MYO10: variants seen among roughly 807,000 people sequenced by gnomAD.
The protein encoded by MYO10 is myosin X.
Under a neutral mutation model 257.3 loss-of-function variants are expected in MYO10, and 133 were observed. The ratio of observed to expected loss-of-function variants is 0.52; its 90% confidence interval spans 0.45 to 0.60. The LOEUF (loss-of-function observed/expected upper bound fraction) is 0.60. Ranked by LOEUF, MYO10 falls within the 20% of genes least tolerant of loss-of-function variation. The pLI is 0.00. For synonymous variants in MYO10, 1,104 were observed against 1,028.6 expected, an observed-to-expected ratio of 1.07 and a Z score of -1.40; for missense variants, 2,399 against 2,635.7, an observed-to-expected ratio of 0.91 and a Z score of 1.97.
intron 33 of MYO10, 40 bp from the exon 34 acceptor site, chr5:16,676,194 A>G (rs370169760): frequency 2.3e-5 from 37 of 1,602,082 alleles, no homozygotes; most frequent in Non-Finnish European, 3.1e-5. Context: ...AGAAACCTGT[A>G]TTTTCCTACA....
intron 1 of MYO10, among the ~76,000 whole-genome samples, chr5:16,882,363 A>G (rs548071807): frequency 6.6e-6 from 1 of 152,260 alleles, no homozygotes; most frequent in East Asian, 1.9e-4. Context: ...CAATTTCTTA[A>G]AAAGCTAAAC....
chr5:16,898,597 C>T (rs566282115), intron 1 of MYO10, among the ~76,000 whole-genome samples: 68 of 151,816 alleles, frequency 4.5e-4, no homozygotes, highest in Middle Eastern at 6.8e-3. Context: ...TTAGTAGAAA[C>T]GGGGTTTCAC....
Position 16,764,326 on chromosome 5 carries a change from ATCT to A in MYO10, c.1247_1249del (p.Lys416del). 6.2e-7 allele frequency: 1 copy of A among 1,613,844 alleles called. No individual in the cohort carries two copies. The highest frequency in any genetic ancestry group is 8.5e-7 in the Non-Finnish European group (1 of 1,179,868). ...CTCATTGCCTTTGATCCTGCTGTTG[ATCT>A]TCTTGATTACCCACTCAAAGCAGCA... On this transcript the variant is annotated inframe_deletion, in exon 12 of 41. Transcript: ENST00000513610.
chr5:16,783,541 C>T (rs1741487762), intron 4 of MYO10, 72 bp from the exon 5 acceptor site: 2 of 1,453,492 alleles, frequency 1.4e-6, no homozygotes, highest in Non-Finnish European at 1.9e-6. Context: ...TGGTCAATGG[C>T]ACTATAATTA....
chr5:16,822,774 G>A lies in MYO10; in HGVS notation c.121-4607C>T, dbSNP rs185021672. Among the ~76,000 whole-genome samples the A allele has an allele frequency of 7.8e-3, 1,174 of 150,066 alleles. 10 individuals carry two copies. Among genetic ancestry groups the A allele is most frequent in the African/African-American group, 0.027 (1,099 of 40,858 alleles). The stretch of plus-strand genomic sequence containing the variant: ...ACAATCTCGGCTCACCGCAAGCTCC[G>A]CCTCCCAGGTTCAGGCCATTCTCCT... On this transcript the variant is annotated intron_variant, in intron 2 of 40. Transcript: ENST00000513610.
chr5:16,842,486 T>C (rs1743512088), intron 2 of MYO10, among the ~76,000 whole-genome samples: 1 of 152,154 alleles, frequency 6.6e-6, no homozygotes, highest in East Asian at 1.9e-4. Flanking sequence ...GGCAGCCTCA[T>C]CACTACGAGA....
chr5:16,698,845 G>T (rs1345556369), intron 26 of MYO10, among the ~76,000 whole-genome samples: 4 of 151,142 alleles, frequency 2.6e-5, no homozygotes, highest in Non-Finnish European at 5.9e-5. Flanking sequence ...GGATGGTCTC[G>T]ATCTCCTGAC....
At chr5:16,670,489 A>G (rs1579784932) in intron 39 of MYO10, 37 bp downstream of exon 39, 3 of 1,542,806 alleles carry the variant, frequency 1.9e-6, no homozygotes, top group Non-Finnish European at 2.6e-6. Context: ...AGATGCCAGC[A>G]CCCAGCCCAC....
At chr5:16,702,616 T>A (rs1352404897) in intron 23 of MYO10, 28 bp from the exon 24 acceptor site, 2 of 1,558,736 alleles carry the variant, frequency 1.3e-6, no homozygotes, top group Non-Finnish European at 1.7e-6. Context: ...AAAGTGAAAA[T>A]CAACAACAAT....
intron 19 of MYO10, chr5:16,713,616 C>T (rs974126216): frequency 7.0e-6 from 4 of 571,060 alleles, no homozygotes; most frequent in African/African-American, 6.1e-5. Flanking sequence ...TGTGTCCCTG[C>T]CCCTTCCCAG....
chr5:16,744,431 T>C (rs1014545128), intron 19 of MYO10, among the ~76,000 whole-genome samples: 4 of 152,154 alleles, frequency 2.6e-5, no homozygotes, highest in East Asian at 3.9e-4. Context: ...CTTTGATCTA[T>C]TGTATCGGTG....
intron 1 of MYO10, among the ~76,000 whole-genome samples, chr5:16,917,183 A>G (rs1462300189): frequency 6.6e-6 from 1 of 152,250 alleles, no homozygotes; most frequent in East Asian, 1.9e-4. Context: ...CCGGTATTAA[A>G]ATTAATAAAA....
intron 9 of MYO10, among the ~76,000 whole-genome samples, chr5:16,776,133 GT>G (rs1239385563): frequency 6.6e-6 from 1 of 151,752 alleles, no homozygotes; most frequent in East Asian, 1.9e-4. Flanking sequence ...CTGTGCTCAA[GT>G]GATCTGCCCA....
At chr5:16,716,995 AC>A (rs1237981904) in intron 19 of MYO10, among the ~76,000 whole-genome samples, 1 of 152,014 alleles carries the variant, frequency 6.6e-6, no homozygotes, top group East Asian at 1.9e-4. Flanking sequence ...GTGTCACCAC[AC>A]CTGGCTAATT....
intron 2 of MYO10, among the ~76,000 whole-genome samples, chr5:16,831,618 G>C (rs1316400233): frequency 6.6e-6 from 1 of 152,120 alleles, no homozygotes; most frequent in Non-Finnish European, 1.5e-5. Context: ...AAGTAACTCA[G>C]GAATGGAAAA....
At chr5:16,818,358 A>G (rs998223837) in intron 2 of MYO10, among the ~76,000 whole-genome samples, 191 bp from the exon 3 acceptor site, 8 of 119,986 alleles carry the variant, frequency 6.7e-5, no homozygotes, top group Non-Finnish European at 1.0e-4. Context: ...CTGTGTGTGT[A>G]TGTATGTGTG....
intron 26 of MYO10, among the ~76,000 whole-genome samples, chr5:16,699,063 GGA>G (rs1257681193): frequency 1.3e-5 from 2 of 152,074 alleles, no homozygotes; most frequent in Non-Finnish European, 2.9e-5. Context: ...AGAGAAAGTG[GGA>G]GAGAGAGGGA....
chr5:16,668,031 G>A (rs1254448628), intron 40 of MYO10, among the ~76,000 whole-genome samples: 1 of 152,090 alleles, frequency 6.6e-6, no homozygotes, highest in Non-Finnish European at 1.5e-5. Context: ...TCCTCCAAGG[G>A]TAAGACTCCT....
At chr5:16,669,087 AAC>A (rs1293840524) in intron 39 of MYO10, among the ~76,000 whole-genome samples, 1 of 152,166 alleles carries the variant, frequency 6.6e-6, no homozygotes, top group East Asian at 1.9e-4. Context: ...AGGGGCTAAC[AAC>A]ACAGGGCTGA....
Sources: gnomAD v4.1 joint callset for allele counts (sites outside exome capture counted in the v4.1 genomes callset) on GRCh38, gnomAD v4.1.1 for gene constraint, MANE v1.5 for transcripts, NCBI Gene and HGNC (gene_info 2026-07-23, HGNC 2026-07-21) for gene names.